The following SEMA3A variants were observed in gnomAD, a reference collection of about 807,000 sequenced individuals.
SEMA3A encodes the protein semaphorin 3A.
In SEMA3A, 29 loss-of-function variants were observed where a neutral mutation model predicts 97.9. The ratio of observed to expected loss-of-function variants is 0.30; its 90% CI spans 0.22 to 0.40. The LOEUF (loss-of-function observed/expected upper bound fraction) is 0.40, where lower values mean the gene tolerates loss of function less well. Ranked by LOEUF, SEMA3A falls within the 10% of genes least tolerant of loss-of-function variation. The probability of loss-of-function intolerance (pLI) is 1.00; values close to 1 mark genes in which losing one functional copy is unlikely to be tolerated. For missense variants in SEMA3A, 763 were observed against 951.3 expected, an observed-to-expected ratio of 0.80 and a Z score of 2.60; for synonymous variants, 321 against 323.7, an observed-to-expected ratio of 0.99 and a Z score of 0.09.
At chr7:84,073,580 T>C (rs962230023) in intron 4 of SEMA3A, among the ~76,000 whole-genome samples, 9 of 152,082 alleles carry the variant, frequency 5.9e-5, no homozygotes, top group Non-Finnish European at 8.8e-5. Flanking sequence ...ACAGTGATAA[T>C]TTTAGTTGCA....
chr7:84,105,987 A>T (rs1795096918), intron 4 of SEMA3A, among the ~76,000 whole-genome samples: 1 of 152,226 alleles, frequency 6.6e-6, no homozygotes, highest in Non-Finnish European at 1.5e-5. Context: ...TGATTGACAC[A>T]TATCTTACAG....
At chr7:84,234,363 C>T (rs1321993798) in intron 3 of SEMA3A, among the ~76,000 whole-genome samples, 2 of 152,060 alleles carry the variant, frequency 1.3e-5, no homozygotes, top group Admixed American at 6.6e-5. Flanking sequence ...TCTCTTAATC[C>T]TCACTGCCAC....
intron 1 of SEMA3A, among the ~76,000 whole-genome samples, chr7:84,162,737 C>A (rs1439251160): frequency 6.6e-6 from 1 of 152,106 alleles, no homozygotes; most frequent in Non-Finnish European, 1.5e-5. Flanking sequence ...TTGGGCACCT[C>A]AGGTTCTTAG....
At position 84,208,430 on chromosome 7, in the gene SEMA3A, T is replaced by A. The variant is rs374102473; in HGVS notation, c.-82-13762A>T. Among the ~76,000 whole-genome samples the A allele has an allele frequency of 4.0e-5, 6 of 149,252 alleles. No homozygotes were observed. The East Asian group carries it at 1.2e-3, about 29-fold the overall frequency. The stretch of plus-strand genomic sequence containing the variant: ...TCCTGCCACTGCAGTCCAGCCTGGG[T>A]GACAGAGACTCCGTCTCAAAAAAAA... On this transcript the variant is annotated intron_variant, in intron 3 of 3. Transcript: ENST00000424555.
At chr7:84,163,900 C>T (rs1160948468) in intron 1 of SEMA3A, among the ~76,000 whole-genome samples, 1 of 147,778 alleles carries the variant, frequency 6.8e-6, no homozygotes, top group Non-Finnish European at 1.5e-5. Flanking sequence ...GGCTAGAGTG[C>T]AATGGATCAA....
intron 5 of SEMA3A, among the ~76,000 whole-genome samples, chr7:84,051,727 G>A (rs1199694021): frequency 6.6e-6 from 1 of 151,978 alleles, no homozygotes; most frequent in East Asian, 1.9e-4. Flanking sequence ...AATTGCCCTG[G>A]CCAGAACTTC....
chr7:84,000,052 G>C (rs1477379324), intron 12 of SEMA3A, among the ~76,000 whole-genome samples: 2 of 151,806 alleles, frequency 1.3e-5, no homozygotes, highest in African/African-American at 2.4e-5. Context: ...AATACATGTT[G>C]GTTTAAAAGA....
intron 1 of SEMA3A, among the ~76,000 whole-genome samples, chr7:84,422,909 A>C (rs978697472): frequency 2.0e-5 from 3 of 152,030 alleles, no homozygotes; most frequent in Non-Finnish European, 4.4e-5. Context: ...ACCAGCATGC[A>C]AACTCAGTTT....
intron 1 of SEMA3A, among the ~76,000 whole-genome samples, chr7:84,149,802 A>C (rs1796573656): frequency 6.6e-6 from 1 of 152,210 alleles, no homozygotes; most frequent in Non-Finnish European, 1.5e-5. Flanking sequence ...CACAACATTC[A>C]TTGAAAATGA....
At chr7:84,065,517 C>T (rs4626523) in intron 4 of SEMA3A, among the ~76,000 whole-genome samples, 7,921 of 148,034 alleles carry the variant, frequency 0.054, 288 homozygotes, top group East Asian at 0.18. Context: ...ATTGATAGAC[C>T]GCTAGCAAGA....
chr7:84,124,073 C>T (rs968989009), intron 3 of SEMA3A, among the ~76,000 whole-genome samples: 13 of 152,242 alleles, frequency 8.5e-5, no homozygotes, highest in African/African-American at 2.9e-4. Flanking sequence ...TATGTAGGTT[C>T]AATCCAGTGG....
At chr7:84,303,129 C>A (rs962656913) in intron 3 of SEMA3A, among the ~76,000 whole-genome samples, 3 of 152,034 alleles carry the variant, frequency 2.0e-5, no homozygotes, top group African/African-American at 7.2e-5. Flanking sequence ...CATTCCAATC[C>A]CCACCCTCAC....
In SEMA3A at chr7:83,961,558, A is replaced by G. The variant is rs2116247364; in HGVS notation, c.2129T>C (p.Ile710Thr). ...KVWYRDFMQL[I>T]NHPNLNTMDE... ...CATTGTGTTGAGATTGGGGTGGTTGATGAGCTGCATGAAGTCTCTGTACCA... is the reference window on the plus strand; with the variant it reads ...CATTGTGTTGAGATTGGGGTGGTTGGTGAGCTGCATGAAGTCTCTGTACCA... Residue 710 changes from isoleucine to threonine, a missense_variant, in exon 17 of 17, where the codon ATC becomes ACC. Physicochemically the swap from Ile to Thr is moderately conservative, Grantham distance 89. Coordinates refer to ENST00000265362, the MANE Select transcript of SEMA3A (RefSeq NM_006080.3). 1.9e-6 allele frequency: 3 copies of G among 1,614,094 alleles called. No individual in the cohort carries two copies. The highest frequency in any genetic ancestry group is 2.5e-6 in the Non-Finnish European group (3 of 1,179,978).
intron 4 of SEMA3A, among the ~76,000 whole-genome samples, chr7:84,100,940 T>C (rs999969140): frequency 1.2e-4 from 19 of 152,216 alleles, no homozygotes; most frequent in Non-Finnish European, 2.2e-4. Flanking sequence ...CTCAGTGCTG[T>C]TCTCATTACC....
At chr7:84,015,317 A>G (rs956393231) in intron 6 of SEMA3A, among the ~76,000 whole-genome samples, 12 of 152,184 alleles carry the variant, frequency 7.9e-5, no homozygotes, top group African/African-American at 2.7e-4. Flanking sequence ...GCAGTCATGA[A>G]TATCTGTGCA....
intron 1 of SEMA3A, among the ~76,000 whole-genome samples, chr7:84,179,963 CTTT>C (rs1215492615): frequency 9.1e-6 from 1 of 109,388 alleles, no homozygotes. Flanking sequence ...CTTGACTGTT[CTTT>C]TTTTTTTTTT....
intron 2 of SEMA3A, among the ~76,000 whole-genome samples, chr7:84,129,509 G>A (rs1442836808): frequency 6.6e-6 from 1 of 152,130 alleles, no homozygotes; most frequent in Non-Finnish European, 1.5e-5. Flanking sequence ...GAGAACGTGA[G>A]AATTTAGTGA....
At chr7:84,117,573 G>A (rs959849384) in intron 3 of SEMA3A, among the ~76,000 whole-genome samples, 4 of 152,148 alleles carry the variant, frequency 2.6e-5, no homozygotes, top group African/African-American at 7.2e-5. Context: ...TTAGATTCTC[G>A]TAGGAGCGTG....
chr7:84,319,596 ACTAAAGATTGG>A (rs1238709926), intron 2 of SEMA3A, among the ~76,000 whole-genome samples: 1 of 152,160 alleles, frequency 6.6e-6, no homozygotes, highest in African/African-American at 2.4e-5. Flanking sequence ...ATAACATTTA[ACTAAAGATTGG>A]CATTTCCTTC....
Sources: allele counts gnomAD v4.1 joint callset (sites outside exome capture counted in the v4.1 genomes callset), GRCh38; gene constraint gnomAD v4.1.1; transcripts MANE v1.5; gene names NCBI Gene and HGNC (gene_info 2026-07-23, HGNC 2026-07-21).